The following OSBPL1A variants were observed in gnomAD, a reference collection of about 807,000 sequenced individuals.
The protein encoded by OSBPL1A is oxysterol-binding protein-related protein 1.
Under a neutral mutation model 137.1 loss-of-function variants are expected in OSBPL1A, and 80 were observed. The observed-to-expected ratio is 0.58, with a 90% CI of 0.49 to 0.70. The LOEUF is 0.70. OSBPL1A is among the 30% of genes least tolerant of loss of function. The pLI is 0.00. For missense variants in OSBPL1A, 970 were observed against 1,129.4 expected, an observed-to-expected ratio of 0.86 and a Z score of 2.02; for synonymous variants, 365 against 389.7, an observed-to-expected ratio of 0.94 and a Z score of 0.75.
intron 4 of OSBPL1A, among the ~76,000 whole-genome samples, chr18:24,352,264 C>A (rs750618242): frequency 3.3e-5 from 5 of 151,836 alleles, no homozygotes; most frequent in Admixed American, 3.3e-4. Flanking sequence ...ATTGTGCCAC[C>A]GCACTCCAGC....
At chr18:24,273,928 C>T (rs2089783015) in intron 15 of OSBPL1A, among the ~76,000 whole-genome samples, 2 of 151,870 alleles carry the variant, frequency 1.3e-5, no homozygotes, top group Admixed American at 6.6e-5. Context: ...AGATAGGCAA[C>T]CAAGATATTA....
intron 7 of OSBPL1A, among the ~76,000 whole-genome samples, chr18:24,330,224 C>A (rs2146138836): frequency 6.6e-6 from 1 of 152,212 alleles, no homozygotes; most frequent in East Asian, 1.9e-4. Context: ...TTTGGGATGA[C>A]CTCCGACTGC....
rs142015548 is a variant in OSBPL1A at position 24,234,144 on chromosome 18, T to C, written c.1444+5076A>G. 1.8e-3 allele frequency among the ~76,000 whole-genome samples: 281 copies of C among 152,288 alleles called. 1 individual carries two copies. Among genetic ancestry groups the C allele is most frequent in the Admixed American group, 5.8e-3 (89 of 15,298 alleles). ...TAGGGTAGAAATATATATGAATATATATGAAGAACCACTTTCTTCTTCTAT... is the reference window on the plus strand; with the variant it reads ...TAGGGTAGAAATATATATGAATATACATGAAGAACCACTTTCTTCTTCTAT... On this transcript the variant is annotated intron_variant, in intron 16 of 27. Coordinates refer to ENST00000319481, the MANE Select transcript of OSBPL1A (RefSeq NM_080597.4).
chr18:24,265,219 C>T (rs1252971286), intron 15 of OSBPL1A, among the ~76,000 whole-genome samples: 1 of 152,216 alleles, frequency 6.6e-6, no homozygotes, highest in Admixed American at 6.5e-5. Flanking sequence ...GTGGCTCACA[C>T]CTGTAATCCC....
intron 13 of OSBPL1A, among the ~76,000 whole-genome samples, chr18:24,306,178 T>C (rs1290901419): frequency 1.3e-5 from 2 of 152,184 alleles, no homozygotes; most frequent in Non-Finnish European, 2.9e-5. Context: ...ATTAAACCCA[T>C]TGATACAGGG....
At chr18:24,390,227 T>C (rs1907229648) in intron 1 of OSBPL1A, among the ~76,000 whole-genome samples, 2 of 152,130 alleles carry the variant, frequency 1.3e-5, no homozygotes, top group Admixed American at 1.3e-4. Flanking sequence ...ATTAAACACA[T>C]AATTACCTAT....
chr18:24,386,075 C>T (rs1035248438), intron 1 of OSBPL1A, among the ~76,000 whole-genome samples: 6 of 151,960 alleles, frequency 3.9e-5, no homozygotes, highest in African/African-American at 1.5e-4. Flanking sequence ...CTGATGACTG[C>T]CAATTTCCAG....
In OSBPL1A at chr18:24,397,819, G is replaced by A. The variant is rs1287162159; in HGVS notation, c.-167C>T. The A allele has an allele frequency of 2.0e-5, 3 of 152,286 alleles. No homozygotes were observed. Among genetic ancestry groups the A allele is most frequent in the East Asian group, 3.8e-4 (2 of 5,196 alleles). The allele number at this position is 152,286 out of a possible 1,614,324, so 9.4% of individuals were successfully genotyped here. ...GTCTGTCTCCGGGACCCGGCGCCGG[G>A]ACCACGGCGGAGCGCGAGGTGGCGC... On this transcript the variant is annotated 5_prime_UTR_variant, in exon 1 of 28. Transcript: ENST00000319481.
intron 16 of OSBPL1A, among the ~76,000 whole-genome samples, chr18:24,235,874 G>A (rs959445270): frequency 2.0e-5 from 3 of 152,252 alleles, no homozygotes; most frequent in Middle Eastern, 6.8e-3. Flanking sequence ...ATATTGAGAT[G>A]GGGAGATTAT....
chr18:24,322,837 G>T (rs1008278855), intron 7 of OSBPL1A, among the ~76,000 whole-genome samples: 1 of 152,042 alleles, frequency 6.6e-6, no homozygotes, highest in Non-Finnish European at 1.5e-5. Context: ...TGAACTAAAT[G>T]AAATAGCCTC....
At chr18:24,292,062 G>T (rs919162152) in intron 14 of OSBPL1A, among the ~76,000 whole-genome samples, 1 of 152,098 alleles carries the variant, frequency 6.6e-6, no homozygotes, top group South Asian at 2.1e-4. Flanking sequence ...TCCAGCCTGA[G>T]CAACAGCAAA....
rs1336222231 is a variant in OSBPL1A at position 24,281,094 on chromosome 18, T to G, written c.1175-146A>C. ...ACATATCATGTTTCTTTTCTTTTTT[T>G]TTGTTTTCTTGAGACGGAGTCTGCT... On this transcript the variant is annotated intron_variant, in intron 14 of 27. Transcript: ENST00000319481. 2.0e-5 allele frequency: 11 copies of G among 537,226 alleles called. No homozygotes were observed. The East Asian group carries it at 3.5e-4, about 17-fold the overall frequency. The allele number at this position is 537,226 out of a possible 1,614,324, so 33.3% of individuals were successfully genotyped here. A position where few individuals can be genotyped will look rare whatever the true frequency, so the allele number is the denominator to read the frequency against.
At chr18:24,351,907 C>T (rs1036001048) in intron 4 of OSBPL1A, among the ~76,000 whole-genome samples, 2 of 152,172 alleles carry the variant, frequency 1.3e-5, no homozygotes, top group Non-Finnish European at 2.9e-5. Context: ...CCCTAAGTGG[C>T]TCAAGCTAGC....
At chr18:24,326,244 T>C (rs2090977307) in intron 7 of OSBPL1A, among the ~76,000 whole-genome samples, 1 of 152,206 alleles carries the variant, frequency 6.6e-6, no homozygotes, top group African/African-American at 2.4e-5. Flanking sequence ...CTGTTGATGC[T>C]TCATAAAAGT....
chr18:24,322,106 CTTTTTTT>C (rs71266986), intron 7 of OSBPL1A, among the ~76,000 whole-genome samples: 8 of 122,782 alleles, frequency 6.5e-5, no homozygotes, highest in Non-Finnish European at 5.0e-5. Context: ...AAATATGTGA[CTTTTTTT>C]TTTTTTTTTT....
intron 18 of OSBPL1A, among the ~76,000 whole-genome samples, chr18:24,184,087 C>G (rs77097941): frequency 6.6e-6 from 1 of 152,234 alleles, no homozygotes; most frequent in African/African-American, 2.4e-5. Context: ...AAACAAAGTC[C>G]ATATATGGAC....
chr18:24,352,293 C>T (rs1157357991), intron 4 of OSBPL1A, among the ~76,000 whole-genome samples: 1 of 151,840 alleles, frequency 6.6e-6, no homozygotes, highest in Non-Finnish European at 1.5e-5. Flanking sequence ...CAGAGTGAGA[C>T]CCTGTCTCAA....
chr18:24,272,798 C>G (rs2089753976), intron 15 of OSBPL1A, among the ~76,000 whole-genome samples: 1 of 152,112 alleles, frequency 6.6e-6, no homozygotes, highest in Non-Finnish European at 1.5e-5. Context: ...GCACTACAGA[C>G]CTAGAATGTG....
chr18:24,296,106 T>C (rs185598333), intron 14 of OSBPL1A, among the ~76,000 whole-genome samples: 116 of 152,334 alleles, frequency 7.6e-4, no homozygotes, highest in African/African-American at 2.8e-3. Context: ...GTATGGTCAT[T>C]TTCACAATAT....
Sources: gnomAD v4.1 joint callset for allele counts (sites outside exome capture counted in the v4.1 genomes callset) on GRCh38, gnomAD v4.1.1 for gene constraint, MANE v1.5 for transcripts, NCBI Gene and HGNC (gene_info 2026-07-23, HGNC 2026-07-21) for gene names.